The following PODXL variants were observed in gnomAD, a reference collection of about 807,000 sequenced individuals.
PODXL encodes the protein podocalyxin like.
PODXL carries 20 observed loss-of-function variants against 48.9 expected under a neutral mutation model. The observed-to-expected ratio is 0.41, with a 90% CI of 0.29 to 0.59. The LOEUF is 0.59. Among genes scored for constraint, PODXL ranks in the 20% least tolerant of loss-of-function variants. PODXL has a pLI of 0.31. For missense variants in PODXL, 606 were observed against 675.1 expected (o/e 0.90, Z 1.13); for synonymous variants, 295 against 287.4 (o/e 1.03, Z -0.27).
chr7:131,545,361 G>C (rs747293266), intron 1 of PODXL, among the ~76,000 whole-genome samples: 3 of 152,170 alleles, frequency 2.0e-5, no homozygotes, highest in Non-Finnish European at 4.4e-5. Flanking sequence ...ATTTCAGCTA[G>C]ACACATGTGA....
At chr7:131,524,262 G>A (rs1798137007) in intron 1 of PODXL, among the ~76,000 whole-genome samples, 2 of 151,936 alleles carry the variant, frequency 1.3e-5, no homozygotes, top group Admixed American at 1.3e-4. Flanking sequence ...ATGCTTTGCT[G>A]TGAAGTTTGA....
At chr7:131,542,790 G>A (rs1048141667) in intron 1 of PODXL, among the ~76,000 whole-genome samples, 2 of 152,204 alleles carry the variant, frequency 1.3e-5, no homozygotes, top group African/African-American at 4.8e-5. Flanking sequence ...TACAGCGCCA[G>A]TTAGAGCCTC....
chr7:131,534,776 G>A (rs1180410729), intron 1 of PODXL, among the ~76,000 whole-genome samples: 1 of 152,198 alleles, frequency 6.6e-6, no homozygotes, highest in Non-Finnish European at 1.5e-5. Context: ...ATGGCCGGGT[G>A]TGGTGGCTCA....
At chr7:131,523,706 G>GAAAAGA (rs1360772723) in intron 1 of PODXL, among the ~76,000 whole-genome samples, 5 of 127,364 alleles carry the variant, frequency 3.9e-5, no homozygotes, top group East Asian at 2.4e-4. Flanking sequence ...AAAAAAACAA[G>GAAAAGA]AAAAGAAAAA....
rs557127051 is a variant in PODXL, at chr7:131,556,396, G to A, written c.-37C>T. ...CTCTGGGCCGGGAGCAGGTGGCTGC[G>A]GTGCCGGCGGAGGATCCGCGCGTCC... On this transcript the variant is annotated 5_prime_UTR_variant, in exon 1 of 9. Coordinates refer to ENST00000378555, the MANE Select transcript of PODXL (RefSeq NM_001018111.3). 4.6e-5 allele frequency: 62 copies of A among 1,342,386 alleles called. No individual in the cohort carries two copies. In the African/African-American group the frequency reaches 8.6e-4, roughly 19 times the overall value. The allele number at this position is 1,342,386 out of a possible 1,614,324, so 83.2% of individuals were successfully genotyped here. A position where few individuals can be genotyped will look rare whatever the true frequency, so the allele number is the denominator to read the frequency against.
chr7:131,532,405 C>T (rs1336991019), intron 1 of PODXL, among the ~76,000 whole-genome samples: 3 of 148,288 alleles, frequency 2.0e-5, no homozygotes, highest in Non-Finnish European at 4.5e-5. Flanking sequence ...CACTGCACTC[C>T]AGCCTGGGCG....
chr7:131,543,926 C>G (rs1481068515), intron 1 of PODXL, among the ~76,000 whole-genome samples: 1 of 152,228 alleles, frequency 6.6e-6, no homozygotes, highest in Non-Finnish European at 1.5e-5. Flanking sequence ...TGGGTTCCCT[C>G]TGCATATGCA....
chr7:131,530,212 T>C (rs992752016), intron 1 of PODXL, among the ~76,000 whole-genome samples: 4 of 142,568 alleles, frequency 2.8e-5, no homozygotes, highest in Non-Finnish European at 6.1e-5. Context: ...CTGGCCATTG[T>C]ACACTGGCCT....
At chr7:131,534,208 A>G (rs188960436) in intron 1 of PODXL, among the ~76,000 whole-genome samples, 1 of 152,152 alleles carries the variant, frequency 6.6e-6, no homozygotes, top group Admixed American at 6.5e-5. Flanking sequence ...TCAGTGAGGC[A>G]TGGCTGATCT....
intron 8 of PODXL, among the ~76,000 whole-genome samples, chr7:131,505,561 C>T (rs1797784011): frequency 6.6e-6 from 1 of 152,134 alleles, no homozygotes; most frequent in Non-Finnish European, 1.5e-5. Flanking sequence ...GCACAAGAAT[C>T]ACTTGAGGTT....
At chr7:131,507,853 G>A (rs909578131) in intron 5 of PODXL, among the ~76,000 whole-genome samples, 3 of 152,182 alleles carry the variant, frequency 2.0e-5, no homozygotes, top group African/African-American at 7.2e-5. Context: ...TGGTCTAGAT[G>A]TAGGCTTTTG....
intron 6 of PODXL, 33 bp from the exon 7 acceptor site, chr7:131,506,354 A>T (rs1391382152): frequency 5.0e-6 from 8 of 1,611,182 alleles, no homozygotes; most frequent in Non-Finnish European, 6.8e-6. Flanking sequence ...CCAATGGCCC[A>T]GCCCAGAGCG....
chr7:131,555,594 C>T (rs1345139803), intron 1 of PODXL, among the ~76,000 whole-genome samples: 2 of 152,192 alleles, frequency 1.3e-5, no homozygotes, highest in African/African-American at 4.8e-5. Context: ...CCATCGTAGC[C>T]ACGCACTAAG....
Position 131,506,707 on chromosome 7 carries a change from T to C in PODXL, c.1121A>G (p.Glu374Gly). 6.2e-7 allele frequency: 1 copy of C among 1,614,170 alleles called. No individual in the cohort carries two copies. The highest frequency in any genetic ancestry group is 1.3e-5 in the African/African-American group (1 of 75,054). The change falls in exon 6 of 9, where the codon GAG becomes GGG. Residue 374 changes from glutamate (E) to glycine (G), a missense_variant. Coordinates refer to ENST00000378555, the MANE Select transcript of PODXL (RefSeq NM_001018111.3). ...TCGGCATATCAGTGAGATCAATTTC[T>C]CATCCGAAGCGCCCCCTGCCTATGG... ...NTLCAGGASD[E>G]KLISLICRAV... is the part of the protein sequence containing the mutation.
chr7:131,527,900 CTTTTTTTTTT>C (rs759943507), intron 1 of PODXL, among the ~76,000 whole-genome samples: 2 of 116,542 alleles, frequency 1.7e-5, no homozygotes, highest in African/African-American at 3.8e-5. Flanking sequence ...TAGTCAGACA[CTTTTTTTTTT>C]TTTTTTTTTT....
chr7:131,544,010 A>G (rs145848693), intron 1 of PODXL, among the ~76,000 whole-genome samples: 178 of 152,328 alleles, frequency 1.2e-3, no homozygotes, highest in African/African-American at 4.1e-3. Context: ...ACCATGGGAA[A>G]TACTAAACAG....
chr7:131,515,365 C>A (rs1797976803), intron 1 of PODXL, among the ~76,000 whole-genome samples: 1 of 152,118 alleles, frequency 6.6e-6, no homozygotes, highest in African/African-American at 2.4e-5. Context: ...TAACTTAATT[C>A]ATAAGCTCAC....
intron 4 of PODXL, 60 bp from the exon 5 acceptor site, chr7:131,509,088 C>T (rs978807313): frequency 4.2e-6 from 6 of 1,421,372 alleles, no homozygotes; most frequent in Non-Finnish European, 5.0e-6. Context: ...TTGACATTTC[C>T]CCCCAACTAA....
At chr7:131,532,518 G>T (rs933637) in intron 1 of PODXL, among the ~76,000 whole-genome samples, 134,892 of 149,318 alleles carry the variant, frequency 0.9, 61,082 homozygotes, top group East Asian at 1. Context: ...TCTTTTTTTT[G>T]GAGGGGGGGT....
Sources: allele counts gnomAD v4.1 joint callset (sites outside exome capture counted in the v4.1 genomes callset), GRCh38; gene constraint gnomAD v4.1.1; transcripts MANE v1.5; gene names NCBI Gene and HGNC (gene_info 2026-07-23, HGNC 2026-07-21).